The following SYK variants were observed in gnomAD, a reference collection of about 807,000 sequenced individuals.
SYK encodes the protein tyrosine-protein kinase SYK.
Under a neutral mutation model 77.8 loss-of-function variants are expected in SYK, and 16 were observed. The observed-to-expected ratio is 0.21, with a 90% CI of 0.14 to 0.31. SYK has a LOEUF of 0.31. Among genes scored for constraint, SYK ranks in the 10% least tolerant of loss-of-function variants. The pLI is 1.00. For missense variants in SYK, 529 were observed against 814.4 expected, an observed-to-expected ratio of 0.65 and a Z score of 4.26; for synonymous variants, 312 against 308.7, an observed-to-expected ratio of 1.01 and a Z score of -0.11.
rs2118889277 is a variant in SYK at position 90,877,794 on chromosome 9, C to T, written c.1391+14C>T. 1 of 1,613,284 alleles carries T rather than the reference C, an allele frequency of 6.2e-7. No individual in the cohort carries two copies. Among genetic ancestry groups the T allele is most frequent in the Non-Finnish European group, 8.5e-7 (1 of 1,179,572 alleles). ...GCAGCAGAACAGGTATTGTCAGGTG[C>T]CCCCACACATCTGGAAGCTATCCCC... On this transcript the variant is annotated intron_variant, in intron 10 of 13. Transcript: ENST00000375754.
At chr9:90,857,727 C>G (rs1362253245) in intron 3 of SYK, among the ~76,000 whole-genome samples, 1 of 152,222 alleles carries the variant, frequency 6.6e-6, no homozygotes, top group African/African-American at 2.4e-5. Flanking sequence ...TTCCCCTCTC[C>G]CAGCTCTCTT....
chr9:90,826,783 T>C (rs916492460), intron 1 of SYK, among the ~76,000 whole-genome samples: 8 of 152,160 alleles, frequency 5.3e-5, no homozygotes, highest in Non-Finnish European at 8.8e-5. Flanking sequence ...GGAATGTTAG[T>C]AGATGCTTGA....
chr9:90,874,615 GA>G (rs1827858239), intron 8 of SYK, 56 bp from the exon 9 acceptor site: 4 of 1,545,476 alleles, frequency 2.6e-6, no homozygotes, highest in Non-Finnish European at 3.5e-6. Context: ...TTCTTGGAAG[GA>G]TGAATCCTGG....
rs201868018 is a variant in SYK at position 90,877,555 on chromosome 9, A to T, written c.1182-16A>T. The T allele has an allele frequency of 6.2e-7, 1 of 1,613,878 alleles. No homozygotes were observed. The stretch of plus-strand genomic sequence containing the variant: ...CATTTTGGAAAGTTTCTTGTGTGTT[A>T]TGATTTCTCTTGCAGAGTTGTGAAA... On this transcript the variant is annotated splice_polypyrimidine_tract_variant and intron_variant, in intron 9 of 13. Coordinates refer to ENST00000375754, the MANE Select transcript of SYK (RefSeq NM_003177.7).
chr9:90,848,382 A>G (rs1826679605), intron 3 of SYK, among the ~76,000 whole-genome samples: 1 of 152,218 alleles, frequency 6.6e-6, no homozygotes, highest in Non-Finnish European at 1.5e-5. Context: ...AGTCTGTCCT[A>G]TATTCCCCTG....
intron 1 of SYK, among the ~76,000 whole-genome samples, chr9:90,836,566 A>G (rs906355602): frequency 6.6e-6 from 1 of 152,208 alleles, no homozygotes; most frequent in African/African-American, 2.4e-5. Flanking sequence ...TGCTATTGTG[A>G]TGAGCTCGAG....
At chr9:90,885,802 C>T (rs1828549926) in intron 11 of SYK, among the ~76,000 whole-genome samples, 1 of 152,080 alleles carries the variant, frequency 6.6e-6, no homozygotes, top group Non-Finnish European at 1.5e-5. Context: ...TTCTAATTAC[C>T]CATAAAGGAA....
At chr9:90,849,527 CTA>C (rs1826736218) in intron 3 of SYK, among the ~76,000 whole-genome samples, 1 of 152,216 alleles carries the variant, frequency 6.6e-6, no homozygotes, top group South Asian at 2.1e-4. Context: ...CCACACCTGT[CTA>C]TGTTGGGGAG....
intron 4 of SYK, 118 bp downstream of exon 4, chr9:90,862,462 C>T (rs2118786636): frequency 2.4e-6 from 3 of 1,252,348 alleles, no homozygotes; most frequent in Non-Finnish European, 3.2e-6. Flanking sequence ...GTGTGGTCCC[C>T]AGGCCAGCAG....
intron 6 of SYK, 55 bp from the exon 7 acceptor site, chr9:90,867,076 C>T: frequency 6.3e-7 from 1 of 1,593,468 alleles, no homozygotes; most frequent in Non-Finnish European, 8.6e-7. Flanking sequence ...TGGAAGGGAT[C>T]CTGTATTTGT....
intron 1 of SYK, among the ~76,000 whole-genome samples, chr9:90,818,583 A>G (rs967538986): frequency 1.3e-5 from 2 of 152,240 alleles, no homozygotes; most frequent in Admixed American, 6.5e-5. Context: ...CTGCTCATGC[A>G]TAATCTCATT....
chr9:90,827,734 A>G (rs975537762), intron 1 of SYK, among the ~76,000 whole-genome samples: 1 of 152,210 alleles, frequency 6.6e-6, no homozygotes, highest in African/African-American at 2.4e-5. Context: ...GCACATGTCC[A>G]TCTTGAGCTG....
rs569969061 is a variant in SYK at position 90,886,843 on chromosome 9, A to T, written c.1582-906A>T. Among the ~76,000 whole-genome samples, 30 of 152,368 alleles carry T rather than the reference A, an allele frequency of 2.0e-4. No homozygotes were observed. In the South Asian group the frequency reaches 6.0e-3, roughly 31 times the overall value. On this transcript the variant is annotated intron_variant, in intron 11 of 13. Transcript: ENST00000375754. ...CATACACTCAACGTGCTTATCATAG[A>T]ACTATTCACAATAGCAAAGATGTGG...
At chr9:90,827,184 C>T (rs1207297956) in intron 1 of SYK, among the ~76,000 whole-genome samples, 1 of 152,078 alleles carries the variant, frequency 6.6e-6, no homozygotes, top group Non-Finnish European at 1.5e-5. Context: ...TGGGAAAGGG[C>T]ATTTCCAGGC....
chr9:90,820,778 A>G (rs1825483985), intron 1 of SYK, among the ~76,000 whole-genome samples: 2 of 152,136 alleles, frequency 1.3e-5, no homozygotes, highest in Non-Finnish European at 2.9e-5. Flanking sequence ...AAATTTCTGC[A>G]GCTGAGTTGA....
chr9:90,887,403 T>C (rs1270929348), intron 11 of SYK, among the ~76,000 whole-genome samples: 1 of 99,186 alleles, frequency 1.0e-5, no homozygotes, highest in African/African-American at 3.9e-5. Context: ...TTTTCTTTCT[T>C]TCTTTTTTTT....
intron 7 of SYK, among the ~76,000 whole-genome samples, chr9:90,873,176 A>G (rs940892428): frequency 3.3e-5 from 5 of 152,206 alleles, no homozygotes; most frequent in Non-Finnish European, 5.9e-5. Context: ...TGAATAAGGC[A>G]CATGAGGATT....
intron 13 of SYK, among the ~76,000 whole-genome samples, chr9:90,894,869 C>T (rs757494779): frequency 6.6e-6 from 1 of 152,232 alleles, no homozygotes; most frequent in Non-Finnish European, 1.5e-5. Context: ...CCATAGTTTA[C>T]TGACATTAGT....
chr9:90,829,300 A>C (rs929652903), intron 1 of SYK, among the ~76,000 whole-genome samples: 1 of 152,114 alleles, frequency 6.6e-6, no homozygotes, highest in Non-Finnish European at 1.5e-5. Context: ...AAAAAAAAAA[A>C]AAATCACCTA....
Sources: allele counts gnomAD v4.1 joint callset (sites outside exome capture counted in the v4.1 genomes callset), GRCh38; gene constraint gnomAD v4.1.1; transcripts MANE v1.5; gene names NCBI Gene and HGNC (gene_info 2026-07-23, HGNC 2026-07-21).